TTC6: variants seen among roughly 807,000 people sequenced by gnomAD.
TTC6 encodes tetratricopeptide repeat domain 6, also known as tetratricopeptide repeat protein 6.
A neutral mutation model predicts 210.4 loss-of-function variants in TTC6; 172 were observed. The ratio of observed to expected loss-of-function variants is 0.82; its 90% confidence interval spans 0.72 to 0.93. TTC6 has a LOEUF of 0.93. Ranked by LOEUF, TTC6 falls within the 40% of genes least tolerant of loss-of-function variation. The probability of loss-of-function intolerance (pLI) is 0.00; values close to 1 mark genes in which losing one functional copy is unlikely to be tolerated. For missense variants in TTC6, 2,414 were observed against 2,318.1 expected, an observed-to-expected ratio of 1.04 and a Z score of -0.85; for synonymous variants, 804 against 819.6, an observed-to-expected ratio of 0.98 and a Z score of 0.32.
intron 14 of TTC6, among the ~76,000 whole-genome samples, chr14:37,770,730 A>T (rs2096015433): frequency 6.8e-6 from 1 of 146,444 alleles, no homozygotes; most frequent in South Asian, 2.2e-4. Flanking sequence ...TGAATACAGC[A>T]CACTGATGGG....
chr14:37,764,937 T>C (rs991329342), intron 14 of TTC6, among the ~76,000 whole-genome samples: 42 of 145,920 alleles, frequency 2.9e-4, no homozygotes, highest in African/African-American at 1.1e-3. Context: ...ATTGCTTTAC[T>C]TTTTAATTGA....
chr14:37,774,333 T>G (rs2096030393), intron 14 of TTC6, among the ~76,000 whole-genome samples: 1 of 152,136 alleles, frequency 6.6e-6, no homozygotes, highest in South Asian at 2.1e-4. Flanking sequence ...TACTTGTCTT[T>G]TTCTGGTTTT....
At chr14:37,756,808 C>CT (rs530310304) in intron 14 of TTC6, among the ~76,000 whole-genome samples, 2,039 of 151,270 alleles carry the variant, frequency 0.013, 60 homozygotes, top group African/African-American at 0.047. Flanking sequence ...CTGAAATTTT[C>CT]TTTTTTTTTG....
At chr14:37,804,068 C>CT (rs1451990776) in intron 20 of TTC6, among the ~76,000 whole-genome samples, 2 of 152,124 alleles carry the variant, frequency 1.3e-5, no homozygotes, top group African/African-American at 4.8e-5. Context: ...TTTAATGAGA[C>CT]TTTTTCATTC....
chr14:37,682,201 C>T (rs2095785446), intron 2 of TTC6, among the ~76,000 whole-genome samples: 1 of 151,118 alleles, frequency 6.6e-6, no homozygotes, highest in African/African-American at 2.4e-5. Flanking sequence ...TGACCAGTGA[C>T]AAAAATGAGG....
intron 5 of TTC6, among the ~76,000 whole-genome samples, chr14:37,711,951 G>A (rs2095845405): frequency 6.6e-6 from 1 of 152,036 alleles, no homozygotes; most frequent in African/African-American, 2.4e-5. Context: ...CTGAGATAGT[G>A]GTGTTTTTCA....
chr14:37,813,594 G>A (rs1245409926), intron 25 of TTC6, among the ~76,000 whole-genome samples: 1 of 152,226 alleles, frequency 6.6e-6, no homozygotes, highest in Non-Finnish European at 1.5e-5. Context: ...GTAACTTACA[G>A]AGGAAGAAAC....
At chr14:37,625,136 A>G (rs1171839839) in intron 1 of TTC6, among the ~76,000 whole-genome samples, 1 of 152,162 alleles carries the variant, frequency 6.6e-6, no homozygotes, top group Non-Finnish European at 1.5e-5. Context: ...CAATTCCAGA[A>G]GATAGAGCTT....
At chr14:37,736,476 T>C (rs2138924020) in intron 8 of TTC6, among the ~76,000 whole-genome samples, 1 of 152,350 alleles carries the variant, frequency 6.6e-6, no homozygotes, top group South Asian at 2.1e-4. Flanking sequence ...GAAGATGTTA[T>C]TCACTAATCA....
chr14:37,787,402 C>A, intron 14 of TTC6, 66 bp from the exon 17 acceptor site: 1 of 1,096,442 alleles, frequency 9.1e-7, no homozygotes, highest in Non-Finnish European at 1.2e-6. Context: ...ATTAGTTGTA[C>A]AGGTTTACCA....
intron 7 of TTC6, among the ~76,000 whole-genome samples, chr14:37,730,207 C>G (rs576047359): frequency 6.6e-6 from 1 of 152,292 alleles, no homozygotes; most frequent in African/African-American, 2.4e-5. Flanking sequence ...GCAAATTTAA[C>G]TTATTTTTTG....
At chr14:37,613,586 A>G (rs867519958) in intron 2 of TTC6, among the ~76,000 whole-genome samples, 1 of 152,096 alleles carries the variant, frequency 6.6e-6, no homozygotes, top group African/African-American at 2.4e-5. Flanking sequence ...AATACTTGAG[A>G]AAACCATCCA....
intron 7 of TTC6, among the ~76,000 whole-genome samples, chr14:37,731,140 G>A (rs543744067): frequency 1.9e-4 from 29 of 152,292 alleles, no homozygotes; most frequent in African/African-American, 7.0e-4. Flanking sequence ...AGGGTCCTGT[G>A]AGGCTCTGGT....
At chr14:37,786,883 T>TGAA (rs2096069013) in intron 14 of TTC6, among the ~76,000 whole-genome samples, 1 of 152,232 alleles carries the variant, frequency 6.6e-6, no homozygotes, top group Admixed American at 6.5e-5. Flanking sequence ...ATTAACTAAT[T>TGAA]GAAGATGAGT....
intron 6 of TTC6, among the ~76,000 whole-genome samples, chr14:37,717,710 A>G (rs2095854927): frequency 6.6e-6 from 1 of 152,174 alleles, no homozygotes; most frequent in Non-Finnish European, 1.5e-5. Context: ...TTTTGAAGCT[A>G]GTAATACCCT....
chr14:37,805,876 G>GT (rs1044079107), intron 21 of TTC6, among the ~76,000 whole-genome samples: 6 of 151,856 alleles, frequency 4.0e-5, no homozygotes, highest in African/African-American at 1.5e-4. Flanking sequence ...AATTTTTGTA[G>GT]TTTTTAGTAG....
intron 1 of TTC6, among the ~76,000 whole-genome samples, chr14:37,678,241 G>T (rs1456623802): frequency 2.0e-5 from 3 of 152,042 alleles, no homozygotes; most frequent in Non-Finnish European, 4.4e-5. Context: ...TTACTCAAGG[G>T]TTAATTTAGC....
intron 1 of TTC6, among the ~76,000 whole-genome samples, chr14:37,651,506 A>G (rs2095713083): frequency 7.1e-6 from 1 of 141,648 alleles, no homozygotes; most frequent in Admixed American, 7.6e-5. Flanking sequence ...TTTTCCTTTC[A>G]TAAATATTGT....
intron 10 of TTC6, among the ~76,000 whole-genome samples, chr14:37,743,417 T>C (rs1467845075): frequency 1.3e-5 from 2 of 152,234 alleles, no homozygotes; most frequent in African/African-American, 4.8e-5. Context: ...CTTAAAAATA[T>C]TGTACTTATG....
Sources: gnomAD v4.1 joint callset for allele counts (sites outside exome capture counted in the v4.1 genomes callset) on GRCh38, gnomAD v4.1.1 for gene constraint, MANE v1.5 for transcripts, NCBI Gene and HGNC (gene_info 2026-07-23, HGNC 2026-07-21) for gene names.